The following ADRA1B variants were observed in gnomAD, a reference collection of about 807,000 sequenced individuals.
The protein encoded by ADRA1B is adrenoceptor alpha 1B.
In ADRA1B, 17 loss-of-function variants were observed where a neutral mutation model predicts 17.9. That is an observed-to-expected ratio of 0.95 (90% CI 0.65 to 1.42). The LOEUF (loss-of-function observed/expected upper bound fraction) is 1.42, where lower values mean the gene tolerates loss of function less well. ADRA1B is among the 40% of genes most tolerant of loss of function. The pLI is 0.00. For missense variants in ADRA1B, 681 were observed against 722.1 expected (o/e 0.94, Z 0.65); for synonymous variants, 366 against 327.6 (o/e 1.12, Z -1.27).
intron 1 of ADRA1B, among the ~76,000 whole-genome samples, chr5:159,909,417 G>T (rs1238775417): frequency 6.6e-6 from 1 of 152,190 alleles, no homozygotes; most frequent in African/African-American, 2.4e-5. Flanking sequence ...CCAAGGAAAA[G>T]GTTCCCACCA....
At chr5:159,923,175 G>A (rs923854512) in intron 1 of ADRA1B, among the ~76,000 whole-genome samples, 5 of 152,298 alleles carry the variant, frequency 3.3e-5, no homozygotes, top group East Asian at 1.9e-4. Context: ...GGCCAGAGGC[G>A]TGGGCAGAGG....
chr5:159,964,829 T>C (rs1755744597), intron 1 of ADRA1B, among the ~76,000 whole-genome samples: 1 of 152,190 alleles, frequency 6.6e-6, no homozygotes, highest in Admixed American at 6.5e-5. Flanking sequence ...GTACTGGTGG[T>C]AACAGCGGTG....
intron 1 of ADRA1B, among the ~76,000 whole-genome samples, chr5:159,959,822 C>G (rs113883471): frequency 0.029 from 4,349 of 149,230 alleles, 203 homozygotes; most frequent in African/African-American, 0.1. Context: ...AAAAAAAAAA[C>G]CATTACAAAA....
intron 1 of ADRA1B, among the ~76,000 whole-genome samples, chr5:159,908,390 T>C (rs991943447): frequency 6.6e-6 from 1 of 152,288 alleles, no homozygotes; most frequent in African/African-American, 2.4e-5. Flanking sequence ...GTGTTGAAAG[T>C]GGGGCCTGGT....
chr5:159,980,839 C>T, the ADRA1B span, among the ~76,000 whole-genome samples: 1 of 151,722 alleles, frequency 6.6e-6, no homozygotes, highest in Non-Finnish European at 1.5e-5. Flanking sequence ...CTCTCTGAAC[C>T]AGGGGTAAGA....
At chr5:159,941,058 G>C (rs372482379) in intron 1 of ADRA1B, among the ~76,000 whole-genome samples, 6 of 152,182 alleles carry the variant, frequency 3.9e-5, no homozygotes, top group Non-Finnish European at 5.9e-5. Flanking sequence ...TCACTTCTCC[G>C]ATAACTTTAT....
chr5:159,919,619 T>C (rs541393381), intron 1 of ADRA1B, among the ~76,000 whole-genome samples: 63 of 152,364 alleles, frequency 4.1e-4, no homozygotes, highest in African/African-American at 1.5e-3. Flanking sequence ...CCCTTCGGTA[T>C]AACTGTGTCT....
intron 1 of ADRA1B, among the ~76,000 whole-genome samples, chr5:159,889,280 T>TCTAG (rs1753957839): frequency 6.6e-6 from 1 of 152,118 alleles, no homozygotes; most frequent in Admixed American, 6.5e-5. Context: ...TAATATTCCT[T>TCTAG]CTAGCAATTT....
chr5:159,923,549 C>G (rs546369419), intron 1 of ADRA1B, among the ~76,000 whole-genome samples: 1 of 152,230 alleles, frequency 6.6e-6, no homozygotes, highest in African/African-American at 2.4e-5. Flanking sequence ...AGAAGGGGAA[C>G]AGAGTGGGAA....
chr5:159,928,312 G>A (rs899578087), intron 1 of ADRA1B, among the ~76,000 whole-genome samples: 1 of 152,136 alleles, frequency 6.6e-6, no homozygotes, highest in African/African-American at 2.4e-5. Context: ...GTCAGCTCAG[G>A]ATACAGTAGA....
At chr5:159,985,184 G>T in the ADRA1B span, among the ~76,000 whole-genome samples, 2 of 151,990 alleles carry the variant, frequency 1.3e-5, no homozygotes, top group Non-Finnish European at 2.9e-5. Context: ...CACCCTTCAG[G>T]ACTCAATAAG....
intron 1 of ADRA1B, among the ~76,000 whole-genome samples, chr5:159,886,534 C>T (rs1207975069): frequency 6.6e-6 from 1 of 152,112 alleles, no homozygotes; most frequent in African/African-American, 2.4e-5. Context: ...GGTGACAACT[C>T]AGCAGTGCCC....
intron 1 of ADRA1B, chr5:159,955,301 G>T (rs1755531234): frequency 1.7e-6 from 1 of 585,172 alleles, no homozygotes; most frequent in South Asian, 7.5e-5. Flanking sequence ...CAAGCGAGAG[G>T]TGACACAGAG....
intron 1 of ADRA1B, among the ~76,000 whole-genome samples, chr5:159,968,275 T>C (rs73817254): frequency 0.054 from 8,262 of 152,238 alleles, 758 homozygotes; most frequent in African/African-American, 0.19. Context: ...AAGCTAGTGG[T>C]GTGAAGAGTT....
intron 1 of ADRA1B, among the ~76,000 whole-genome samples, chr5:159,880,896 A>G (rs1289788528): frequency 1.3e-5 from 2 of 152,154 alleles, no homozygotes; most frequent in African/African-American, 2.4e-5. Flanking sequence ...TGCCACTTCT[A>G]GGTTAGGTAA....
the ADRA1B span, among the ~76,000 whole-genome samples, chr5:159,978,293 A>G: frequency 6.6e-6 from 1 of 152,158 alleles, no homozygotes; most frequent in Non-Finnish European, 1.5e-5. Context: ...GACTGTGAAA[A>G]TGCTATAATA....
intron 1 of ADRA1B, among the ~76,000 whole-genome samples, chr5:159,881,301 C>CTCTCTG (rs1554087454): frequency 0.22 from 8,670 of 39,422 alleles, 618 homozygotes; most frequent in African/African-American, 0.33. Flanking sequence ...TCAGAAAGTT[C>CTCTCTG]TCTCTCTCTC....
In ADRA1B at chr5:159,866,255, A is replaced by G. The variant is rs369899647; in HGVS notation, c.-256+1049A>G. Among the ~76,000 whole-genome samples the G allele has an allele frequency of 1.9e-4, 29 of 150,648 alleles. No homozygotes were observed. The East Asian group carries it at 5.3e-3, about 27-fold the overall frequency. On this transcript the variant is annotated intron_variant, in intron 1 of 2. Transcript: ENST00000641205. The stretch of plus-strand genomic sequence containing the variant: ...CGGGAGGTCAACGCTGCAGTGAGCA[A>G]TGATCATGCCACTGCACTTCAGCCT...
chr5:159,879,328 G>A (rs533127553), intron 1 of ADRA1B, among the ~76,000 whole-genome samples: 41 of 152,238 alleles, frequency 2.7e-4, no homozygotes, highest in Non-Finnish European at 4.7e-4. Context: ...GCTCTGGAGT[G>A]ACACAGCGCT....
Sources: allele counts gnomAD v4.1 joint callset (sites outside exome capture counted in the v4.1 genomes callset), GRCh38; gene constraint gnomAD v4.1.1; transcripts MANE v1.5; gene names NCBI Gene and HGNC (gene_info 2026-07-23, HGNC 2026-07-21).